The following SLC22A23 variants were observed in gnomAD, a reference collection of about 807,000 sequenced individuals.
SLC22A23 encodes the protein ion transporter protein.
Under a neutral mutation model 61.0 loss-of-function variants are expected in SLC22A23, and 26 were observed. The observed-to-expected ratio is 0.43, with a 90% CI of 0.31 to 0.59. The LOEUF (loss-of-function observed/expected upper bound fraction) is 0.59. SLC22A23 is among the 20% of genes least tolerant of loss of function. The pLI, the probability that SLC22A23 is intolerant of heterozygous loss-of-function variation, is 0.11. For synonymous variants in SLC22A23, 430 were observed against 413.9 expected, an observed-to-expected ratio of 1.04 and a Z score of -0.47; for missense variants, 796 against 934.7, an observed-to-expected ratio of 0.85 and a Z score of 1.94.
chr6:3,444,870 C>T (rs1481630959), intron 1 of SLC22A23: 77 of 985,484 alleles, frequency 7.8e-5, no homozygotes, highest in East Asian at 1.1e-4. Context: ...CACCTGGCAG[C>T]GCCCAAGGAA....
At chr6:3,447,156 C>G (rs1771936027) in intron 1 of SLC22A23, among the ~76,000 whole-genome samples, 1 of 152,164 alleles carries the variant, frequency 6.6e-6, no homozygotes, top group South Asian at 2.1e-4. Context: ...CCATCGCCAC[C>G]CCCCATTCCC....
At position 3,360,373 on chromosome 6, in the gene SLC22A23, G is replaced by A. The variant is rs993311753; in HGVS notation, c.914-36371C>T. Among the ~76,000 whole-genome samples, 4 of 151,856 alleles carry A rather than the reference G, an allele frequency of 2.6e-5. No individual in the cohort carries two copies. The highest frequency in any genetic ancestry group is 6.6e-5 in the Admixed American group (1 of 15,252). ...AGAGCTCTGACCTCAGCTGTGCCCC[G>A]CCCACCCATCCACCCAAGGATCCTT... On this transcript the variant is annotated intron_variant, in intron 3 of 9. Coordinates refer to ENST00000406686, the MANE Select transcript of SLC22A23 (RefSeq NM_015482.2). The surrounding 1 kb of genome is among the most constrained non-coding windows in gnomAD (Gnocchi z 4.6).
At position 3,427,253 on chromosome 6, in the gene SLC22A23, G is replaced by A. The variant is rs1170730105; in HGVS notation, c.655-11398C>T. ...CGGGAATGCGCCTGGTGCAGTAACC[G>A]GCACAAAGTGATTATTACTCATTAA... On this transcript the variant is annotated intron_variant, in intron 1 of 9. Coordinates refer to ENST00000406686, the MANE Select transcript of SLC22A23 (RefSeq NM_015482.2). This position sits in a 1 kb window ranked among gnomAD's most constrained non-coding sequence, Gnocchi z 4.3. Among the ~76,000 whole-genome samples the A allele has an allele frequency of 2.6e-5, 4 of 152,122 alleles. No homozygotes were observed. Among genetic ancestry groups the A allele is most frequent in the Non-Finnish European group, 2.9e-5 (2 of 68,022 alleles).
intron 3 of SLC22A23, among the ~76,000 whole-genome samples, chr6:3,389,591 G>A (rs1322211549): frequency 6.6e-6 from 1 of 152,172 alleles, no homozygotes; most frequent in East Asian, 1.9e-4. Context: ...TCTGTCTACT[G>A]CTCTCTTACT....
intron 3 of SLC22A23, among the ~76,000 whole-genome samples, chr6:3,397,761 C>G (rs1231319549): frequency 6.6e-6 from 1 of 152,146 alleles, no homozygotes; most frequent in Non-Finnish European, 1.5e-5. Flanking sequence ...TGCACACATG[C>G]TGAGGTGTGC....
At position 3,333,721 on chromosome 6, in the gene SLC22A23, G is replaced by A. The variant is rs1763703839; in HGVS notation, c.914-9719C>T. Among the ~76,000 whole-genome samples, 1 of 152,182 alleles carries A rather than the reference G, an allele frequency of 6.6e-6. No homozygotes were observed. The highest frequency in any genetic ancestry group is 2.1e-4 in the South Asian group (1 of 4,824). On this transcript the variant is annotated intron_variant, in intron 3 of 9. Coordinates refer to ENST00000406686, the MANE Select transcript of SLC22A23 (RefSeq NM_015482.2). The surrounding 1 kb of genome is among the most constrained non-coding windows in gnomAD (Gnocchi z 4.1). Reference sequence around the variant, plus strand: ...CAGAGGAGAGTGCCTCCCCGACAGTGGTTTGCAAGTGTGGCCCCAGACCTG... The same window carrying A: ...CAGAGGAGAGTGCCTCCCCGACAGTAGTTTGCAAGTGTGGCCCCAGACCTG...
intron 1 of SLC22A23, among the ~76,000 whole-genome samples, chr6:3,425,323 T>C (rs1201547831): frequency 6.9e-6 from 1 of 145,252 alleles, no homozygotes; most frequent in African/African-American, 2.6e-5. Flanking sequence ...GTCTCACTGT[T>C]GCCCAGGCTG....
Position 3,333,716 on chromosome 6 carries a change from A to T in SLC22A23, c.914-9714T>A, listed in dbSNP as rs1763703209. On this transcript the variant is annotated intron_variant, in intron 3 of 9. Coordinates refer to ENST00000406686, the MANE Select transcript of SLC22A23 (RefSeq NM_015482.2). The surrounding 1 kb of genome is among the most constrained non-coding windows in gnomAD (Gnocchi z 4.1). ...CCACACAGAGGAGAGTGCCTCCCCG[A>T]CAGTGGTTTGCAAGTGTGGCCCCAG... Among the ~76,000 whole-genome samples, 1 of 152,034 alleles carries T rather than the reference A, an allele frequency of 6.6e-6. No homozygotes were observed. The highest frequency in any genetic ancestry group is 6.6e-5 in the Admixed American group (1 of 15,266).
At position 3,270,282 on chromosome 6, in the gene SLC22A23, G is replaced by C. The variant is rs952580647; in HGVS notation, c.*2773C>G. ...AGCACAGAGGGGTTCAAGCGTGACA[G>C]ACGGTGCTGGGAAGTGGGCAGCCGT... On this transcript the variant is annotated 3_prime_UTR_variant, in exon 10 of 10. Coordinates refer to ENST00000406686, the MANE Select transcript of SLC22A23 (RefSeq NM_015482.2). 6.6e-6 allele frequency: 1 copy of C among 152,384 alleles called. No individual in the cohort carries two copies. Among genetic ancestry groups the C allele is most frequent in the African/African-American group, 2.4e-5 (1 of 41,468 alleles). The allele number at this position is 152,384 out of a possible 1,614,324, so 9.4% of individuals were successfully genotyped here. A position where few individuals can be genotyped will look rare whatever the true frequency, so the allele number is the denominator to read the frequency against.
chr6:3,356,574 T>C (rs528513088), intron 3 of SLC22A23, among the ~76,000 whole-genome samples: 7 of 152,260 alleles, frequency 4.6e-5, no homozygotes, highest in Admixed American at 3.3e-4. Context: ...CCAGAGACAG[T>C]AGTGTTTATT....
At chr6:3,282,363 A>AT (rs1759548718) in intron 9 of SLC22A23, 3 of 699,840 alleles carry the variant, frequency 4.3e-6, no homozygotes, top group Non-Finnish European at 7.8e-6. Flanking sequence ...GTGCTTAATC[A>AT]TACAATGCCT....
chr6:3,291,110 G>C (rs1435806055), intron 5 of SLC22A23: 1 of 152,334 alleles, frequency 6.6e-6, no homozygotes, highest in Middle Eastern at 3.4e-3. Flanking sequence ...TTCGACAACA[G>C]TACCACGACA....
At chr6:3,391,497 C>A (rs1407790780) in intron 3 of SLC22A23, among the ~76,000 whole-genome samples, 1 of 152,244 alleles carries the variant, frequency 6.6e-6, no homozygotes, top group Non-Finnish European at 1.5e-5. Flanking sequence ...AATACTGCGG[C>A]ACAGATCTTC....
chr6:3,343,953 C>A (rs1046940953), intron 3 of SLC22A23, among the ~76,000 whole-genome samples: 2 of 152,122 alleles, frequency 1.3e-5, no homozygotes, highest in African/African-American at 2.4e-5. Flanking sequence ...TTCGCTTATT[C>A]CTAAGTTAGA....
In SLC22A23 at chr6:3,330,841, A is replaced by T. The variant is rs1367572732; in HGVS notation, c.914-6839T>A. 1.3e-5 allele frequency among the ~76,000 whole-genome samples: 2 copies of T among 152,212 alleles called. No homozygotes were observed. The highest frequency in any genetic ancestry group is 6.5e-5 in the Admixed American group (1 of 15,292). On this transcript the variant is annotated intron_variant, in intron 3 of 9. Coordinates refer to ENST00000406686, the MANE Select transcript of SLC22A23 (RefSeq NM_015482.2). The surrounding 1 kb of genome is among the most constrained non-coding windows in gnomAD (Gnocchi z 4.7). ...TCCATTTAGAGAAAGGGAAAATTTT[A>T]AAAAACAGAGAAATTTTAAGTATTT... is the stretch of plus-strand genomic sequence containing the variant.
intron 3 of SLC22A23, among the ~76,000 whole-genome samples, chr6:3,375,964 G>T (rs1766533792): frequency 6.6e-6 from 1 of 152,112 alleles, no homozygotes; most frequent in Non-Finnish European, 1.5e-5. Flanking sequence ...TTCATTTGGT[G>T]CCATGTGTAT....
intron 3 of SLC22A23, among the ~76,000 whole-genome samples, chr6:3,389,226 C>T (rs931598699): frequency 9.7e-5 from 13 of 133,876 alleles, no homozygotes; most frequent in Non-Finnish European, 1.4e-4. Context: ...CAAGACTGCA[C>T]CACTGCACTC....
chr6:3,383,909 T>C (rs1767117039), intron 3 of SLC22A23, among the ~76,000 whole-genome samples: 1 of 152,194 alleles, frequency 6.6e-6, no homozygotes, highest in Non-Finnish European at 1.5e-5. Context: ...TAAAGTGACA[T>C]GATCAGAGCT....
intron 9 of SLC22A23, among the ~76,000 whole-genome samples, chr6:3,274,092 A>G (rs916220666): frequency 1.5e-4 from 23 of 152,200 alleles, no homozygotes; most frequent in African/African-American, 5.1e-4. Flanking sequence ...CAGGATAACC[A>G]AAGTCCAGAA....
Sources: gnomAD v4.1 joint callset for allele counts (sites outside exome capture counted in the v4.1 genomes callset) on GRCh38, gnomAD v4.1.1 for gene constraint, Gnocchi (gnomAD v3.1) non-coding constraint, MANE v1.5 for transcripts, NCBI Gene and HGNC (gene_info 2026-07-23, HGNC 2026-07-21) for gene names.